RALGAPA1: variants seen among roughly 807,000 people sequenced by gnomAD.
The protein encoded by RALGAPA1 is Ral GTPase activating protein catalytic subunit alpha 1.
RALGAPA1 carries 52 observed loss-of-function variants against 269.6 expected under a neutral mutation model. The ratio of observed to expected loss-of-function variants is 0.19; its 90% confidence interval spans 0.15 to 0.24. The LOEUF is 0.24. Among genes scored for constraint, RALGAPA1 ranks in the 10% least tolerant of loss-of-function variants. RALGAPA1 has a pLI of 1.00. For missense variants in RALGAPA1, 1,917 were observed against 3,013.9 expected, an observed-to-expected ratio of 0.64 and a Z score of 8.52; for synonymous variants, 817 against 1,008.3, an observed-to-expected ratio of 0.81 and a Z score of 3.60.
At chr14:35,639,037 C>T (rs563305669) in intron 31 of RALGAPA1, among the ~76,000 whole-genome samples, 8 of 152,150 alleles carry the variant, frequency 5.3e-5, no homozygotes, top group East Asian at 1.9e-4. Flanking sequence ...TAAAACCCAA[C>T]GATCTGTTGC....
chr14:35,742,285 T>C, intron 11 of RALGAPA1, 83 bp downstream of exon 11: 1 of 998,276 alleles, frequency 1.0e-6, no homozygotes, highest in Non-Finnish European at 1.5e-6. Context: ...AATAAGTATA[T>C]TTGTGTTAAC....
At chr14:35,555,176 A>G (rs2055482563) in intron 39 of RALGAPA1, among the ~76,000 whole-genome samples, 3 of 152,230 alleles carry the variant, frequency 2.0e-5, no homozygotes, top group Admixed American at 2.0e-4. Flanking sequence ...TTACATTAAG[A>G]GAAAAGAAAA....
chr14:35,551,738 CT>C (rs2139136884), intron 39 of RALGAPA1, among the ~76,000 whole-genome samples: 1 of 152,086 alleles, frequency 6.6e-6, no homozygotes, highest in South Asian at 2.1e-4. Flanking sequence ...ATTCTACTTC[CT>C]TATACAAAGA....
chr14:35,689,819 A>G lies in RALGAPA1; in HGVS notation c.2592T>C (p.Ile864=). Residue 864 remains isoleucine (I), a synonymous_variant, in exon 18 of 42, where the codon ATT becomes ATC. Coordinates refer to ENST00000680220, the MANE Select transcript of RALGAPA1 (RefSeq NM_001346249.2). Reference sequence around the variant, plus strand: ...TTGGTGCATGACGGGATGAACTGTCAATGACAGGAACTGCACCTTTGGCTC... The same window carrying G: ...TTGGTGCATGACGGGATGAACTGTCGATGACAGGAACTGCACCTTTGGCTC... ...VERAKGAVPV[I]DSSSRHAPSL... is the part of the protein sequence containing the mutation. 1.9e-6 allele frequency: 3 copies of G among 1,578,228 alleles called. No individual in the cohort carries two copies. In the East Asian group the frequency reaches 7.1e-5, roughly 37 times the overall value.
chr14:35,629,739 T>C (rs2061229430), intron 33 of RALGAPA1, among the ~76,000 whole-genome samples: 1 of 152,128 alleles, frequency 6.6e-6, no homozygotes, highest in Non-Finnish European at 1.5e-5. Flanking sequence ...GACCTTGTGA[T>C]CCACCCACCT....
intron 12 of RALGAPA1, among the ~76,000 whole-genome samples, chr14:35,731,807 A>G (rs370231011): frequency 4.2e-4 from 64 of 152,240 alleles, no homozygotes; most frequent in African/African-American, 1.4e-3. Flanking sequence ...GTTGGAAAAC[A>G]TATTTAGGGG....
chr14:35,645,389 G>GTGTA (rs945897888), intron 31 of RALGAPA1, among the ~76,000 whole-genome samples: 2 of 141,258 alleles, frequency 1.4e-5, no homozygotes, highest in East Asian at 2.1e-4. Context: ...GTGTGTGTGT[G>GTGTA]TATATGTTAT....
chr14:35,680,816 G>A (rs1028753788), intron 21 of RALGAPA1, among the ~76,000 whole-genome samples: 8 of 150,528 alleles, frequency 5.3e-5, no homozygotes, highest in South Asian at 2.1e-4. Flanking sequence ...GGGTTTCACC[G>A]TGTTAGCCAG....
At chr14:35,605,742 T>C (rs1435404861) in intron 35 of RALGAPA1, 33 bp from the exon 36 acceptor site, 11 of 1,596,468 alleles carry the variant, frequency 6.9e-6, no homozygotes, top group Non-Finnish European at 9.4e-6. Flanking sequence ...ATTAATTTAA[T>C]CACTATTTTA....
chr14:35,788,096 C>T (rs1057307214), intron 1 of RALGAPA1, among the ~76,000 whole-genome samples: 4 of 152,038 alleles, frequency 2.6e-5, no homozygotes, highest in South Asian at 2.1e-4. Context: ...CTCAGCCTCC[C>T]GGGTAGCTGG....
chr14:35,686,575 A>G lies in RALGAPA1; in HGVS notation c.4044T>C (p.Phe1348=), dbSNP rs2065956792. 1 of 1,609,454 alleles carries G rather than the reference A, an allele frequency of 6.2e-7. No individual in the cohort carries two copies. Among genetic ancestry groups the G allele is most frequent in the African/African-American group, 1.3e-5 (1 of 74,750 alleles). The change falls in exon 19 of 42, where the codon TTT becomes TTC. Residue 1348 remains phenylalanine, a synonymous_variant. Transcript: ENST00000680220. The part of the protein sequence containing the change: ...SANVPDLMDE[F]IAERLRSGNA... ...TACCACTTCGAAGTCGTTCTGCTAT[A>G]AACTCATCCATCAGATCAGGAACAT...
intron 1 of RALGAPA1, among the ~76,000 whole-genome samples, chr14:35,783,226 T>C (rs531702040): frequency 2.8e-4 from 42 of 152,160 alleles, no homozygotes; most frequent in South Asian, 1.2e-3. Context: ...AATGGAACAA[T>C]TGAGAGTTCA....
intron 36 of RALGAPA1, among the ~76,000 whole-genome samples, chr14:35,597,217 A>C (rs1170654068): frequency 1.3e-5 from 2 of 152,222 alleles, no homozygotes; most frequent in Non-Finnish European, 2.9e-5. Flanking sequence ...TGGACTTCTA[A>C]TTTCAAAACA....
chr14:35,613,934 T>C (rs1421571662), intron 35 of RALGAPA1, among the ~76,000 whole-genome samples: 1 of 152,152 alleles, frequency 6.6e-6, no homozygotes. Flanking sequence ...TGATAAGTCA[T>C]TAGGGAAATG....
chr14:35,779,744 G>A (rs1273843017), intron 1 of RALGAPA1, among the ~76,000 whole-genome samples: 1 of 151,966 alleles, frequency 6.6e-6, no homozygotes, highest in African/African-American at 2.4e-5. Flanking sequence ...GACATATTAG[G>A]AGCCAAAGTA....
Position 35,651,786 on chromosome 14 carries a change from C to A in RALGAPA1, c.5676+19G>T. ...TACTAAATAACCACATACTAATCATCAAACAAAATTTAAATTACCCTCTTG... is the reference window on the plus strand; with the variant it reads ...TACTAAATAACCACATACTAATCATAAAACAAAATTTAAATTACCCTCTTG... On this transcript the variant is annotated intron_variant, in intron 31 of 41. Coordinates refer to ENST00000680220, the MANE Select transcript of RALGAPA1 (RefSeq NM_001346249.2). 6.3e-7 allele frequency: 1 copy of A among 1,576,726 alleles called. No homozygotes were observed. Among genetic ancestry groups the A allele is most frequent in the South Asian group, 1.2e-5 (1 of 82,306 alleles).
chr14:35,650,410 A>G (rs1224088729), intron 31 of RALGAPA1, among the ~76,000 whole-genome samples: 1 of 152,096 alleles, frequency 6.6e-6, no homozygotes, highest in East Asian at 1.9e-4. Context: ...AAAATTTAAA[A>G]TAAAAAAAAT....
intron 36 of RALGAPA1, among the ~76,000 whole-genome samples, chr14:35,601,690 T>C (rs771165498): frequency 2.7e-4 from 41 of 152,324 alleles, no homozygotes; most frequent in Non-Finnish European, 4.6e-4. Context: ...TGCGCCACTA[T>C]GTCATTCTTC....
chr14:35,666,505 G>A (rs1003527228), intron 26 of RALGAPA1, among the ~76,000 whole-genome samples: 4 of 152,146 alleles, frequency 2.6e-5, no homozygotes, highest in African/African-American at 9.7e-5. Context: ...GATTACAGGT[G>A]TGAGCCACCA....
Sources: allele counts gnomAD v4.1 joint callset (sites outside exome capture counted in the v4.1 genomes callset), GRCh38; gene constraint gnomAD v4.1.1; transcripts MANE v1.5; gene names NCBI Gene and HGNC (gene_info 2026-07-23, HGNC 2026-07-21).